HSD17B2: variants seen among roughly 807,000 people sequenced by gnomAD.
The protein encoded by HSD17B2 is 17-beta-hydroxysteroid dehydrogenase type 2.
A neutral mutation model predicts 26.9 loss-of-function variants in HSD17B2; 32 were observed. That is an observed-to-expected ratio of 1.19 (90% CI 0.90 to 1.60). The LOEUF is 1.60. Among genes scored for constraint, HSD17B2 ranks in the 40% most tolerant of loss-of-function variants. The pLI is 0.00. For missense variants in HSD17B2, 613 were observed against 468.6 expected, an observed-to-expected ratio of 1.31 and a Z score of -2.85; for synonymous variants, 246 against 186.7, an observed-to-expected ratio of 1.32 and a Z score of -2.59.
chr16:82,085,484 G>C (rs1018649718), intron 3 of HSD17B2, among the ~76,000 whole-genome samples: 31 of 152,118 alleles, frequency 2.0e-4, no homozygotes, highest in African/African-American at 7.2e-4. Context: ...GATAAAGTCA[G>C]GATATGAACC....
Position 82,090,981 on chromosome 16 carries a change from G to A in HSD17B2, c.744G>A (p.Leu248=). Residue 248 remains leucine (L), a synonymous_variant, in exon 4 of 5, where the codon CTG becomes CTA. Coordinates refer to ENST00000199936, the MANE Select transcript of HSD17B2 (RefSeq NM_002153.3). The part of the protein sequence containing the change: ...AVTMFSSVMR[L]ELSKWGIKVA... ...CCATGTTCTCATCAGTTATGAGACT[G>A]GAGCTTTCCAAGTGGGGAATTAAAG... The A allele has an allele frequency of 2.5e-6, 4 of 1,613,830 alleles. No individual in the cohort carries two copies. Among genetic ancestry groups the A allele is most frequent in the Non-Finnish European group, 3.4e-6 (4 of 1,179,738 alleles).
chr16:82,082,556 G>C (rs1056895310), intron 3 of HSD17B2, among the ~76,000 whole-genome samples: 1 of 152,020 alleles, frequency 6.6e-6, no homozygotes, highest in African/African-American at 2.4e-5. Context: ...TTTTATGTAA[G>C]TGTTAGCTAT....
intron 4 of HSD17B2, chr16:82,092,783 T>A (rs1421047749): frequency 6.6e-6 from 1 of 152,122 alleles, no homozygotes; most frequent in Admixed American, 6.6e-5. Context: ...TGAAGCCAAA[T>A]GTGCTGGTTG....
At chr16:82,087,725 T>G (rs770867128) in intron 3 of HSD17B2, among the ~76,000 whole-genome samples, 28 of 152,170 alleles carry the variant, frequency 1.8e-4, no homozygotes, top group Non-Finnish European at 2.9e-4. Context: ...CAGAAATTGA[T>G]TGGCTCTTGG....
At chr16:82,088,586 T>C (rs1279506630) in intron 3 of HSD17B2, among the ~76,000 whole-genome samples, 1 of 152,200 alleles carries the variant, frequency 6.6e-6, no homozygotes, top group Non-Finnish European at 1.5e-5. Context: ...GTGAGAACTC[T>C]GGCTAACCCC....
chr16:82,086,029 A>C (rs1904519024), intron 3 of HSD17B2, among the ~76,000 whole-genome samples: 1 of 152,220 alleles, frequency 6.6e-6, no homozygotes, highest in Admixed American at 6.5e-5. Flanking sequence ...TACTGGTAGA[A>C]ATATAAAATG....
chr16:82,062,797 C>A (rs567860988), intron 1 of HSD17B2, among the ~76,000 whole-genome samples: 2 of 152,206 alleles, frequency 1.3e-5, no homozygotes, highest in African/African-American at 4.8e-5. Flanking sequence ...CAACTTCTCA[C>A]GAAAGCCCTG....
In HSD17B2 at chr16:82,090,767, G is replaced by C. The variant is rs1283481135; in HGVS notation, c.665-135G>C. ...CAAGAACATTGCTCACCTGGGCTCA[G>C]GGGGCCTTGCCTGCCTTTGTCTGCC... On this transcript the variant is annotated intron_variant, in intron 3 of 4. Coordinates refer to ENST00000199936, the MANE Select transcript of HSD17B2 (RefSeq NM_002153.3). 3.5e-5 allele frequency: 27 copies of C among 773,424 alleles called. No individual in the cohort carries two copies. In the African/African-American group the frequency reaches 4.4e-4, roughly 13 times the overall value. 47.9% of individuals were successfully genotyped at this position (773,424 alleles called of 1,614,324 possible). A position where few individuals can be genotyped will look rare whatever the true frequency, so the allele number is the denominator to read the frequency against.
In HSD17B2 at chr16:82,098,196, A is replaced by T; in HGVS notation, c.924A>T (p.Leu308=). ...TCTTAGCACAGCGGAATTTCCTCCTATTGATCAACTCGTTAGCCAGCAAGG... is the reference window on the plus strand; with the variant it reads ...TCTTAGCACAGCGGAATTTCCTCCTTTTGATCAACTCGTTAGCCAGCAAGG... ...DYILAQRNFL[L]LINSLASKDF... is the part of the protein sequence containing the mutation. Residue 308 remains leucine, a synonymous_variant, in exon 5 of 5, where the codon CTA becomes CTT. Transcript: ENST00000199936. The T allele has an allele frequency of 6.2e-7, 1 of 1,614,118 alleles. No individual in the cohort carries two copies. The highest frequency in any genetic ancestry group is 8.5e-7 in the Non-Finnish European group (1 of 1,180,002).
intron 4 of HSD17B2, chr16:82,094,914 A>G (rs1904795585): frequency 6.6e-6 from 1 of 152,318 alleles, no homozygotes; most frequent in Admixed American, 6.5e-5. Context: ...AGGAAGTTCC[A>G]AAGCCATAGA....
At chr16:82,046,111 G>A (rs922702909) in intron 1 of HSD17B2, among the ~76,000 whole-genome samples, 6 of 152,220 alleles carry the variant, frequency 3.9e-5, no homozygotes, top group Admixed American at 3.9e-4. Flanking sequence ...GGCTGGGGCC[G>A]AAGCTGGTTG....
intron 1 of HSD17B2, among the ~76,000 whole-genome samples, chr16:82,043,238 G>A (rs957797183): frequency 1.3e-5 from 2 of 152,180 alleles, no homozygotes; most frequent in Non-Finnish European, 2.9e-5. Flanking sequence ...ATTAGCAAGT[G>A]CAATGTGGGG....
rs142150152 is a variant in HSD17B2 at position 82,080,512 on chromosome 16, G to C, written c.664+9385G>C. 2.2e-3 allele frequency among the ~76,000 whole-genome samples: 335 copies of C among 152,256 alleles called. 4 individuals are homozygous for C. Among genetic ancestry groups the C allele is most frequent in the Non-Finnish European group, 1.1e-3 (75 of 68,018 alleles). On this transcript the variant is annotated intron_variant, in intron 3 of 4. Coordinates refer to ENST00000199936, the MANE Select transcript of HSD17B2 (RefSeq NM_002153.3). Reference sequence around the variant, plus strand: ...GAAGCTGGAAAAGTCAAGGGAACTAGTTCTCCCCTAGAGCCTCCAGAAGGA... The same window carrying C: ...GAAGCTGGAAAAGTCAAGGGAACTACTTCTCCCCTAGAGCCTCCAGAAGGA...
At chr16:82,040,229 G>A (rs375251331) in intron 1 of HSD17B2, among the ~76,000 whole-genome samples, 1 of 131,208 alleles carries the variant, frequency 7.6e-6, no homozygotes, top group African/African-American at 2.5e-5. Context: ...TTACTGAACA[G>A]TCCAAATAAG....
At chr16:82,038,763 T>C (rs1913687297) in intron 1 of HSD17B2, among the ~76,000 whole-genome samples, 1 of 152,106 alleles carries the variant, frequency 6.6e-6, no homozygotes, top group African/African-American at 2.4e-5. Context: ...CCAGAGAAGA[T>C]GGGCAGGGAA....
At chr16:82,068,520 A>C in intron 2 of HSD17B2, 138 bp downstream of exon 2, 1 of 671,154 alleles carries the variant, frequency 1.5e-6, no homozygotes, top group Non-Finnish European at 2.5e-6. Context: ...AACCCCTACC[A>C]TGTGTGGGGG....
chr16:82,078,507 C>T (rs894234203), intron 3 of HSD17B2, among the ~76,000 whole-genome samples: 13 of 152,128 alleles, frequency 8.5e-5, no homozygotes, highest in African/African-American at 3.1e-4. Flanking sequence ...CCAGCAATTC[C>T]ACCGCTAGAT....
intron 1 of HSD17B2, among the ~76,000 whole-genome samples, chr16:82,055,459 G>A (rs1188208199): frequency 1.3e-5 from 2 of 152,170 alleles, no homozygotes; most frequent in Non-Finnish European, 2.9e-5. Context: ...TCCCCATGAT[G>A]TAGAAGAGTA....
At chr16:82,081,858 A>T (rs1904390035) in intron 3 of HSD17B2, among the ~76,000 whole-genome samples, 1 of 152,200 alleles carries the variant, frequency 6.6e-6, no homozygotes, top group Non-Finnish European at 1.5e-5. Flanking sequence ...TTGCCCATCG[A>T]TGATAGATTA....
Sources: gnomAD v4.1 joint callset for allele counts (sites outside exome capture counted in the v4.1 genomes callset) on GRCh38, gnomAD v4.1.1 for gene constraint, MANE v1.5 for transcripts, NCBI Gene and HGNC (gene_info 2026-07-23, HGNC 2026-07-21) for gene names.